Variants in DAB1 observed in about 807,000 individuals in gnomAD.
DAB1 encodes the protein DAB adaptor protein 1.
Under a neutral mutation model 64.6 loss-of-function variants are expected in DAB1, and 15 were observed. The observed-to-expected ratio is 0.23, with a 90% CI of 0.16 to 0.36. The LOEUF (loss-of-function observed/expected upper bound fraction) is 0.36. Among genes scored for constraint, DAB1 ranks in the 10% least tolerant of loss-of-function variants. DAB1 has a pLI of 1.00. For missense variants in DAB1, 596 were observed against 706.7 expected, an observed-to-expected ratio of 0.84 and a Z score of 1.78; for synonymous variants, 235 against 251.9, an observed-to-expected ratio of 0.93 and a Z score of 0.64.
In DAB1 at chr1:57,609,882, C is replaced by CAA. The variant is rs1645705095; in HGVS notation, n.625+39709_625+39710insTT. On this transcript the variant is annotated intron_variant and non_coding_transcript_variant, in intron 7 of 20. Coordinates refer to the DAB1 transcript ENST00000485760. ...AAATTTATGATCACTTTGTTTGAGA[C>CAA]AGTCCTGTTGTATTTAAAAAATAAC... Among the ~76,000 whole-genome samples, 3 of 152,196 alleles carry CAA rather than the reference C, an allele frequency of 2.0e-5. No homozygotes were observed. The South Asian group carries it at 6.2e-4, about 32-fold the overall frequency.
intron 1 of DAB1, among the ~76,000 whole-genome samples, chr1:57,326,420 C>G (rs997686545): frequency 6.6e-6 from 1 of 152,158 alleles, no homozygotes; most frequent in Non-Finnish European, 1.5e-5. Flanking sequence ...AAAATTGATT[C>G]TACGGACAGG....
chr1:57,543,609 G>A (rs1347874146), intron 7 of DAB1, among the ~76,000 whole-genome samples: 4 of 152,122 alleles, frequency 2.6e-5, no homozygotes, highest in African/African-American at 9.7e-5. Flanking sequence ...AGAAAATAAT[G>A]AGAAAGTAGT....
At chr1:57,032,885 C>T (rs183660528) in intron 9 of DAB1, among the ~76,000 whole-genome samples, 9 of 152,308 alleles carry the variant, frequency 5.9e-5, no homozygotes, top group Admixed American at 2.0e-4. Context: ...ATAGCAACCT[C>T]GCCTGTTTTT....
At chr1:57,845,815 A>G (rs1381321851) in intron 1 of DAB1, among the ~76,000 whole-genome samples, 1 of 152,196 alleles carries the variant, frequency 6.6e-6, no homozygotes, top group Non-Finnish European at 1.5e-5. Flanking sequence ...CTGCCTTCCT[A>G]TAACTTTTAC....
At chr1:58,246,280 T>G (rs943119392) in intron 4 of DAB1, among the ~76,000 whole-genome samples, 1 of 152,210 alleles carries the variant, frequency 6.6e-6, no homozygotes, top group African/African-American at 2.4e-5. Flanking sequence ...AATAGTGGAA[T>G]GGGTAAGCCC....
chr1:57,429,083 T>G (rs1182361202), intron 7 of DAB1, among the ~76,000 whole-genome samples: 1 of 152,048 alleles, frequency 6.6e-6, no homozygotes, highest in Non-Finnish European at 1.5e-5. Context: ...CAGGCTAATT[T>G]TCAAGAATTT....
rs540203810 is a variant in DAB1 at position 58,358,177 on chromosome 1, G to C, written n.258-14774C>G. On this transcript the variant is annotated intron_variant and non_coding_transcript_variant, in intron 3 of 20. Transcript: ENST00000485760. ...ACTACCTTTATGCAGATGGTAGAGG[G>C]GGAGCAGGAAAATGTGGGGATAGGA... is the stretch of plus-strand genomic sequence containing the variant. Among the ~76,000 whole-genome samples the C allele has an allele frequency of 5.3e-5, 8 of 152,310 alleles. No individual in the cohort carries two copies. In the Middle Eastern group the frequency reaches 0.014, roughly 259 times the overall value.
chr1:57,865,474 A>C (rs950783747), intron 1 of DAB1, among the ~76,000 whole-genome samples: 1 of 151,986 alleles, frequency 6.6e-6, no homozygotes, highest in Non-Finnish European at 1.5e-5. Context: ...CCACACACCC[A>C]ACTTCAAATC....
chr1:58,227,666 C>T (rs185853873), intron 4 of DAB1, among the ~76,000 whole-genome samples: 7 of 152,260 alleles, frequency 4.6e-5, no homozygotes, highest in African/African-American at 1.7e-4. Context: ...AGACACCATA[C>T]ATACCTCACA....
At chr1:58,156,195 C>G (rs1244801115) in intron 4 of DAB1, among the ~76,000 whole-genome samples, 2 of 152,188 alleles carry the variant, frequency 1.3e-5, no homozygotes, top group African/African-American at 2.4e-5. Context: ...CTCACTTTAT[C>G]TAGCACTTGC....
intron 1 of DAB1, among the ~76,000 whole-genome samples, chr1:57,293,107 A>G (rs1043884340): frequency 2.6e-4 from 39 of 152,160 alleles, no homozygotes; most frequent in African/African-American, 9.2e-4. Flanking sequence ...GGTGAAATCA[A>G]CAACCAAACC....
intron 4 of DAB1, among the ~76,000 whole-genome samples, chr1:58,218,344 G>C (rs1313636434): frequency 6.6e-6 from 1 of 152,158 alleles, no homozygotes; most frequent in Non-Finnish European, 1.5e-5. Context: ...CTCTAAAGTG[G>C]GCATTCTAGA....
At chr1:58,205,949 T>C (rs1173181667) in intron 4 of DAB1, among the ~76,000 whole-genome samples, 5 of 152,214 alleles carry the variant, frequency 3.3e-5, no homozygotes, top group Admixed American at 3.3e-4. Flanking sequence ...TGTGAAACTT[T>C]CTGAAACTGG....
chr1:57,037,739 G>C (rs1299689357), intron 9 of DAB1, among the ~76,000 whole-genome samples: 1 of 152,216 alleles, frequency 6.6e-6, no homozygotes, highest in Non-Finnish European at 1.5e-5. Flanking sequence ...TTACCCAAGA[G>C]TGAACAGCCA....
intron 2 of DAB1, among the ~76,000 whole-genome samples, chr1:57,210,164 A>G (rs554310419): frequency 6.6e-6 from 1 of 152,324 alleles, no homozygotes; most frequent in African/African-American, 2.4e-5. Context: ...TGCTCTCATT[A>G]ACACCAGTAT....
chr1:57,557,461 T>C (rs543666492), intron 7 of DAB1, among the ~76,000 whole-genome samples: 2 of 151,662 alleles, frequency 1.3e-5, no homozygotes, highest in South Asian at 4.2e-4. Context: ...TACATATATA[T>C]GTGTGTGTGT....
chr1:57,964,890 A>C (rs1645616611), intron 5 of DAB1, among the ~76,000 whole-genome samples: 1 of 152,150 alleles, frequency 6.6e-6, no homozygotes, highest in Non-Finnish European at 1.5e-5. Context: ...ACTGGGATGG[A>C]ATAAGGCAAA....
intron 1 of DAB1, among the ~76,000 whole-genome samples, chr1:57,309,171 G>A (rs1346409413): frequency 6.6e-6 from 1 of 152,180 alleles, no homozygotes; most frequent in Non-Finnish European, 1.5e-5. Flanking sequence ...CTGGCCTAGA[G>A]TCTTTACTTT....
chr1:57,216,836 C>T (rs1666464345), intron 2 of DAB1, among the ~76,000 whole-genome samples: 1 of 151,222 alleles, frequency 6.6e-6, no homozygotes, highest in South Asian at 2.1e-4. Context: ...TGCCCATAGA[C>T]CTACACTACT....
Sources: gnomAD v4.1 joint callset for allele counts (sites outside exome capture counted in the v4.1 genomes callset) on GRCh38, gnomAD v4.1.1 for gene constraint, MANE v1.5 for transcripts, NCBI Gene and HGNC (gene_info 2026-07-23, HGNC 2026-07-21) for gene names.